TNS3: variants seen among roughly 807,000 people sequenced by gnomAD.
TNS3 encodes tensin-3.
TNS3 carries 45 observed loss-of-function variants against 140.9 expected under a neutral mutation model. The observed-to-expected ratio is 0.32, with a 90% CI of 0.25 to 0.41. TNS3 has a LOEUF of 0.41. Among genes scored for constraint, TNS3 ranks in the 10% least tolerant of loss-of-function variants. TNS3 has a pLI of 1.00. For missense variants in TNS3, 1,716 were observed against 1,906.7 expected (o/e 0.90, Z 1.86); for synonymous variants, 815 against 788.4 (o/e 1.03, Z -0.56).
intron 16 of TNS3, among the ~76,000 whole-genome samples, chr7:47,394,033 G>A (rs1181791195): frequency 6.6e-6 from 1 of 152,032 alleles, no homozygotes; most frequent in East Asian, 1.9e-4. Flanking sequence ...ACAATCCATA[G>A]CAGTCTCCCA....
chr7:47,525,350 G>C (rs939330946), intron 2 of TNS3, among the ~76,000 whole-genome samples: 2 of 152,216 alleles, frequency 1.3e-5, no homozygotes, highest in African/African-American at 2.4e-5. Flanking sequence ...TCTCGTGAGT[G>C]CCTGGATGTT....
rs548175842 is a variant in TNS3 at position 47,311,048 on chromosome 7, T to C, written c.2651-6045A>G. 1.6e-3 allele frequency among the ~76,000 whole-genome samples: 241 copies of C among 152,364 alleles called. 1 individual carries two copies. Among genetic ancestry groups the C allele is most frequent in the Non-Finnish European group, 2.3e-3 (156 of 68,040 alleles). On this transcript the variant is annotated intron_variant, in intron 20 of 30. Coordinates refer to ENST00000311160, the MANE Select transcript of TNS3 (RefSeq NM_022748.12). ...AAGCATACGTGTGCATGTGTCTTTATAGCAGCATGATTTATAGTCCTTTGG... is the reference window on the plus strand; with the variant it reads ...AAGCATACGTGTGCATGTGTCTTTACAGCAGCATGATTTATAGTCCTTTGG...
intron 18 of TNS3, among the ~76,000 whole-genome samples, 153 bp downstream of exon 18, chr7:47,346,034 C>T (rs1789318711): frequency 6.6e-6 from 1 of 152,184 alleles, no homozygotes; most frequent in South Asian, 2.1e-4. Flanking sequence ...GAGCCACGAC[C>T]ATATTTGTGA....
intron 1 of TNS3, among the ~76,000 whole-genome samples, chr7:47,533,395 G>A (rs1187584379): frequency 5.3e-5 from 8 of 149,668 alleles, no homozygotes; most frequent in East Asian, 2.0e-4. Flanking sequence ...CTCCCAAAGC[G>A]CTGGGATTAC....
rs778260998 is a variant in TNS3 at position 47,369,025 on chromosome 7, G to C, written c.1621C>G (p.Leu541Val). The change falls in exon 17 of 31, where the codon CTG (leucine) becomes GTG (valine). Residue 541 changes from leucine to valine, a missense_variant. By Grantham distance (32) the Leu-to-Val change is conservative. Around this residue, in one of 3 missense-constraint regions of TNS3, gnomAD observed 1,163 missense variants for 1,182.1 expected, o/e 0.98. Transcript: ENST00000311160. ...TAGGGGCCGTCCATGCCAAGGCCCA[G>C]GTCCGGAACGAGGGTGCCCTGCGGA... ...EDPQGTLVPD[L>V]GLGMDGPYER... 1 of 1,614,042 alleles carries C rather than the reference G, an allele frequency of 6.2e-7. No homozygotes were observed. The highest frequency in any genetic ancestry group is 1.1e-5 in the South Asian group (1 of 91,084).
chr7:47,512,334 T>C (rs1254826556), intron 2 of TNS3, among the ~76,000 whole-genome samples: 1 of 152,152 alleles, frequency 6.6e-6, no homozygotes, highest in Non-Finnish European at 1.5e-5. Context: ...CTCCAGCCCC[T>C]CTCCAAGGAT....
chr7:47,396,831 G>C lies in TNS3; in HGVS notation c.993C>G (p.Asp331Glu), dbSNP rs1254212535. Reference protein sequence around the residue: ...YNTTDPLIRWDSYENLSADGE... With the variant: ...YNTTDPLIRWESYENLSADGE... Reference sequence around the variant, plus strand: ...CATCTGCACTGAGGTTCTCGTACGAGTCCCAGCGTATCAGTGGGTCTGTTG... The same window carrying C: ...CATCTGCACTGAGGTTCTCGTACGACTCCCAGCGTATCAGTGGGTCTGTTG... The change falls in exon 16 of 31, where the codon GAC becomes GAG. Residue 331 changes from aspartate to glutamate, a missense_variant. Coordinates refer to ENST00000311160, the MANE Select transcript of TNS3 (RefSeq NM_022748.12). The C allele has an allele frequency of 1.2e-6, 2 of 1,614,050 alleles. No homozygotes were observed. The highest frequency in any genetic ancestry group is 1.7e-6 in the Non-Finnish European group (2 of 1,180,018).
At chr7:47,330,771 G>A (rs545479011) in intron 20 of TNS3, among the ~76,000 whole-genome samples, 3 of 152,156 alleles carry the variant, frequency 2.0e-5, no homozygotes, top group East Asian at 3.9e-4. Flanking sequence ...GAAGACACAC[G>A]GGAAGGGATG....
intron 20 of TNS3, among the ~76,000 whole-genome samples, chr7:47,340,242 C>T (rs1788919987): frequency 6.8e-6 from 1 of 148,096 alleles, no homozygotes; most frequent in Non-Finnish European, 1.5e-5. Flanking sequence ...CCTGCCTCAG[C>T]CTCCTGAATA....
At chr7:47,279,329 C>T (rs1180728593) in intron 30 of TNS3, 1 of 152,242 alleles carries the variant, frequency 6.6e-6, no homozygotes, top group East Asian at 1.9e-4. Context: ...CTGGCCCTGA[C>T]AGGAACACTG....
intron 1 of TNS3, among the ~76,000 whole-genome samples, chr7:47,531,522 C>T (rs1015164006): frequency 6.6e-6 from 1 of 152,110 alleles, no homozygotes; most frequent in Non-Finnish European, 1.5e-5. Context: ...ACCAGAAATG[C>T]TAATTACACA....
chr7:47,466,438 AC>A (rs71552457), intron 4 of TNS3, among the ~76,000 whole-genome samples: 1 of 152,172 alleles, frequency 6.6e-6, no homozygotes, highest in African/African-American at 2.4e-5. Context: ...GAGCCACAGC[AC>A]CCGACCCAGT....
rs1446150142 is a variant in TNS3 at position 47,278,015 on chromosome 7, C to G, written c.*61G>C. 1.2e-6 allele frequency: 2 copies of G among 1,611,560 alleles called. No homozygotes were observed. Among genetic ancestry groups the G allele is most frequent in the Admixed American group, 3.3e-5 (2 of 59,858 alleles). Reference sequence around the variant, plus strand: ...GTAAAAAGTGGGGGCCCCACCCTCACCCAACGGCTGTCTCCAGGGCTTCGA... The same window carrying G: ...GTAAAAAGTGGGGGCCCCACCCTCAGCCAACGGCTGTCTCCAGGGCTTCGA... On this transcript the variant is annotated 3_prime_UTR_variant, in exon 31 of 31. Transcript: ENST00000311160.
rs1024988110 is a variant in TNS3 at position 47,277,190 on chromosome 7, C to T, written c.*886G>A. ...CGGTGCATCCTACATAGGGACAAGC[C>T]TCACAAAATCACAGCTTGGCAGGCT... On this transcript the variant is annotated 3_prime_UTR_variant, in exon 31 of 31. Transcript: ENST00000311160. The T allele has an allele frequency of 3.3e-5, 5 of 152,272 alleles. No homozygotes were observed. Among genetic ancestry groups the T allele is most frequent in the African/African-American group, 1.2e-4 (5 of 41,440 alleles). 9.4% of individuals were successfully genotyped at this position (152,272 alleles called of 1,614,324 possible). A position where few individuals can be genotyped will look rare whatever the true frequency, so the allele number is the denominator to read the frequency against.
At chr7:47,420,406 G>A (rs949132878) in intron 10 of TNS3, among the ~76,000 whole-genome samples, 2 of 152,192 alleles carry the variant, frequency 1.3e-5, no homozygotes, top group African/African-American at 4.8e-5. Context: ...GCTCCAGGGA[G>A]ACACAACTTC....
intron 27 of TNS3, among the ~76,000 whole-genome samples, chr7:47,287,881 G>T (rs1207683016): frequency 6.6e-6 from 1 of 152,134 alleles, no homozygotes; most frequent in Admixed American, 6.5e-5. Context: ...TTGACTCTAA[G>T]AAGACCCACC....
chr7:47,468,330 A>G (rs935645907), intron 4 of TNS3, among the ~76,000 whole-genome samples: 1 of 152,110 alleles, frequency 6.6e-6, no homozygotes, highest in Non-Finnish European at 1.5e-5. Context: ...AATCGCAGCT[A>G]CTCGGGAGGC....
rs1409476116 is a variant in TNS3 at position 47,475,032 on chromosome 7, CACAACAG to C, written c.-76+6064_-76+6070del. Among the ~76,000 whole-genome samples, 8 of 151,986 alleles carry C rather than the reference CACAACAG, an allele frequency of 5.3e-5. No homozygotes were observed. The East Asian group carries it at 1.2e-3, about 22-fold the overall frequency. On this transcript the variant is annotated intron_variant, in intron 4 of 30. Coordinates refer to ENST00000311160, the MANE Select transcript of TNS3 (RefSeq NM_022748.12). The stretch of plus-strand genomic sequence containing the variant: ...CGCAACACACAACACACACACCTCA[CACAACAG>C]ACAACAGACAACTCACACACAAAAA...
At chr7:47,473,359 G>C (rs140915395) in intron 4 of TNS3, among the ~76,000 whole-genome samples, 1 of 152,138 alleles carries the variant, frequency 6.6e-6, no homozygotes, top group Admixed American at 6.5e-5. Flanking sequence ...GAACATTTGC[G>C]TATATCCATT....
Sources: allele counts gnomAD v4.1 joint callset (sites outside exome capture counted in the v4.1 genomes callset), GRCh38; gene constraint gnomAD v4.1.1; regional missense constraint gnomAD v4.1.1; transcripts MANE v1.5; gene names NCBI Gene and HGNC (gene_info 2026-07-23, HGNC 2026-07-21).